The following NCK2 variants were observed in gnomAD, a reference collection of about 807,000 sequenced individuals.
NCK2 encodes the protein cytoplasmic protein NCK2.
A neutral mutation model predicts 33.9 loss-of-function variants in NCK2; 16 were observed. That is an observed-to-expected ratio of 0.47 (90% CI 0.32 to 0.72). The LOEUF is 0.72. Among genes scored for constraint, NCK2 ranks in the 30% least tolerant of loss-of-function variants. The pLI is 0.03. For synonymous variants in NCK2, 273 were observed against 239.9 expected (o/e 1.14, Z -1.27); for missense variants, 418 against 537.3 (o/e 0.78, Z 2.19).
At chr2:105,827,836 T>C (rs1052842767) in intron 2 of NCK2, among the ~76,000 whole-genome samples, 6 of 152,216 alleles carry the variant, frequency 3.9e-5, no homozygotes, top group Non-Finnish European at 8.8e-5. Flanking sequence ...GGTGTGACTG[T>C]ACAAGGGATA....
At chr2:105,890,727 C>T (rs1409786930) in intron 4 of NCK2, among the ~76,000 whole-genome samples, 1 of 152,244 alleles carries the variant, frequency 6.6e-6, no homozygotes, top group Non-Finnish European at 1.5e-5. Flanking sequence ...AGCTGCCTTG[C>T]ACAATTTGAG....
At chr2:105,767,405 T>TATA (rs1332846801) in intron 1 of NCK2, among the ~76,000 whole-genome samples, 1 of 152,244 alleles carries the variant, frequency 6.6e-6, no homozygotes, top group East Asian at 1.9e-4. Flanking sequence ...AGGTGTTCTT[T>TATA]ATAAGTGTTA....
chr2:105,871,161 C>T (rs953948342), intron 3 of NCK2, among the ~76,000 whole-genome samples: 5 of 151,926 alleles, frequency 3.3e-5, no homozygotes, highest in African/African-American at 1.2e-4. Context: ...GTATTGAATG[C>T]CTGCTCCATG....
intron 1 of NCK2, among the ~76,000 whole-genome samples, chr2:105,746,597 G>A (rs1276416510): frequency 1.3e-5 from 2 of 152,322 alleles, no homozygotes; most frequent in African/African-American, 2.4e-5. Context: ...CAAGCCTTGC[G>A]AGTTTTACGT....
At chr2:105,873,661 A>AT (rs1232569163) in intron 3 of NCK2, among the ~76,000 whole-genome samples, 1 of 151,620 alleles carries the variant, frequency 6.6e-6, no homozygotes, top group Non-Finnish European at 1.5e-5. Context: ...GGGTGGTTTT[A>AT]TTTTTTGGGG....
rs899166033 is a variant in NCK2, at chr2:105,745,021, C to G, written c.-318C>G. 1 of 145,140 alleles carries G rather than the reference C, an allele frequency of 6.9e-6. No individual in the cohort carries two copies. The highest frequency in any genetic ancestry group is 1.5e-5 in the Non-Finnish European group (1 of 65,310). The allele number at this position is 145,140 out of a possible 1,614,324, so 9.0% of individuals were successfully genotyped here. On this transcript the variant is annotated 5_prime_UTR_variant, in exon 1 of 5. Transcript: ENST00000233154. Reference sequence around the variant, plus strand: ...GTCCGCCCGGGCCGGCAGCGTCCGCCCGGCGGCGGGAGGAGGGAGCGGCGC... The same window carrying G: ...GTCCGCCCGGGCCGGCAGCGTCCGCGCGGCGGCGGGAGGAGGGAGCGGCGC...
chr2:105,851,459 G>A lies in NCK2; in HGVS notation c.-16-3589G>A, dbSNP rs553012783. Among the ~76,000 whole-genome samples the A allele has an allele frequency of 9.9e-5, 15 of 152,232 alleles. No individual in the cohort carries two copies. In the South Asian group the frequency reaches 2.5e-3, roughly 25 times the overall value. ...TTTTGTATTAGAGACAGGTTTCACCGTGTTAGCCAGGATGGTTTCCATCTC... is the reference window on the plus strand; with the variant it reads ...TTTTGTATTAGAGACAGGTTTCACCATGTTAGCCAGGATGGTTTCCATCTC... On this transcript the variant is annotated intron_variant, in intron 2 of 4. Coordinates refer to ENST00000233154, the MANE Select transcript of NCK2 (RefSeq NM_003581.5).
intron 3 of NCK2, among the ~76,000 whole-genome samples, chr2:105,860,223 C>T (rs926021590): frequency 6.6e-6 from 1 of 152,280 alleles, no homozygotes; most frequent in African/African-American, 2.4e-5. Flanking sequence ...AAGTTGGAGG[C>T]TGCAGTGAGC....
At position 105,783,387 on chromosome 2, in the gene NCK2, G is replaced by A. The variant is rs559229796; in HGVS notation, c.-200-33043G>A. Among the ~76,000 whole-genome samples the A allele has an allele frequency of 4.6e-5, 7 of 152,236 alleles. No homozygotes were observed. The South Asian group carries it at 1.4e-3, about 32-fold the overall frequency. On this transcript the variant is annotated intron_variant, in intron 1 of 4. Transcript: ENST00000233154. ...CGGAGTGAGGCATTAAATTGTGCCC[G>A]TGTTCTGGGGTAGCACCGTGAAGGC...
chr2:105,815,236 G>A (rs73946594), intron 1 of NCK2, among the ~76,000 whole-genome samples: 1,678 of 152,146 alleles, frequency 0.011, 33 homozygotes, highest in African/African-American at 0.038. Context: ...AAAATGATGC[G>A]GCCTTTAAAA....
chr2:105,758,625 G>A (rs1446300736), intron 1 of NCK2, among the ~76,000 whole-genome samples: 2 of 151,930 alleles, frequency 1.3e-5, no homozygotes, highest in Non-Finnish European at 2.9e-5. Flanking sequence ...GGCCAGGCTG[G>A]TCTTGAACTC....
intron 4 of NCK2, 23 bp downstream of exon 4, chr2:105,882,072 T>G (rs1461226453): frequency 1.4e-6 from 2 of 1,480,998 alleles, no homozygotes; most frequent in Admixed American, 2.5e-5. Context: ...CGCCCACAGC[T>G]CCGGCTGCAG....
intron 3 of NCK2, among the ~76,000 whole-genome samples, chr2:105,880,598 T>TA (rs2104656891): frequency 6.6e-6 from 1 of 152,282 alleles, no homozygotes; most frequent in East Asian, 1.9e-4. Context: ...TGGATGGTCT[T>TA]AGAGTTCTAA....
chr2:105,845,538 C>T lies in NCK2; in HGVS notation c.-16-9510C>T, dbSNP rs536161504. Among the ~76,000 whole-genome samples, 13 of 151,992 alleles carry T rather than the reference C, an allele frequency of 8.6e-5. No homozygotes were observed. The South Asian group carries it at 1.2e-3, about 15-fold the overall frequency. On this transcript the variant is annotated intron_variant, in intron 2 of 4. Coordinates refer to ENST00000233154, the MANE Select transcript of NCK2 (RefSeq NM_003581.5). ...CCTCCTGAGTAGCTGAAATTACAGG[C>T]ATGTACCAGCATGCCCGGCTAATTT...
chr2:105,770,124 T>TAAA (rs76726445), intron 1 of NCK2, among the ~76,000 whole-genome samples: 1 of 126,756 alleles, frequency 7.9e-6, no homozygotes, highest in Admixed American at 7.9e-5. Context: ...CACTAATAAG[T>TAAA]AAAAAAAAAA....
chr2:105,887,325 A>G (rs1422077282), intron 4 of NCK2, among the ~76,000 whole-genome samples: 1 of 152,238 alleles, frequency 6.6e-6, no homozygotes, highest in Non-Finnish European at 1.5e-5. Context: ...GTAAAGAAGT[A>G]AAAGGGGAAA....
At chr2:105,876,473 G>A (rs986606855) in intron 3 of NCK2, among the ~76,000 whole-genome samples, 7 of 152,160 alleles carry the variant, frequency 4.6e-5, no homozygotes, top group South Asian at 4.1e-4. Context: ...ACATGCTAGC[G>A]AATGTGCTCT....
chr2:105,850,391 A>T (rs1035562001), intron 2 of NCK2, among the ~76,000 whole-genome samples: 6 of 152,210 alleles, frequency 3.9e-5, no homozygotes, highest in African/African-American at 1.4e-4. Context: ...GAAAGTTTTT[A>T]TACCTATCCT....
At chr2:105,876,784 AACT>A (rs1678251951) in intron 3 of NCK2, among the ~76,000 whole-genome samples, 1 of 152,144 alleles carries the variant, frequency 6.6e-6, no homozygotes, top group Non-Finnish European at 1.5e-5. Context: ...TGTGTAGAAA[AACT>A]ACACAGAGAG....
Sources: allele counts gnomAD v4.1 joint callset (sites outside exome capture counted in the v4.1 genomes callset), GRCh38; gene constraint gnomAD v4.1.1; transcripts MANE v1.5; gene names NCBI Gene and HGNC (gene_info 2026-07-23, HGNC 2026-07-21).